Variants in DAPK1 observed in about 807,000 individuals in gnomAD.
DAPK1 encodes the protein death-associated protein kinase 1.
In DAPK1, 56 loss-of-function variants were observed where a neutral mutation model predicts 144.9. The observed-to-expected ratio is 0.39, with a 90% CI of 0.31 to 0.48. The LOEUF (loss-of-function observed/expected upper bound fraction) is 0.48, where lower values mean the gene tolerates loss of function less well. DAPK1 is among the 20% of genes least tolerant of loss of function. The probability of loss-of-function intolerance (pLI) is 0.95; values close to 1 mark genes in which losing one functional copy is unlikely to be tolerated. For synonymous variants in DAPK1, 690 were observed against 749.0 expected, an observed-to-expected ratio of 0.92 and a Z score of 1.29; for missense variants, 1,454 against 1,875.4, an observed-to-expected ratio of 0.78 and a Z score of 4.15.
chr9:87,503,822 C>T (rs953714073), intron 2 of DAPK1, among the ~76,000 whole-genome samples: 1 of 152,176 alleles, frequency 6.6e-6, no homozygotes, highest in Non-Finnish European at 1.5e-5. Context: ...AATTTTCAAG[C>T]ACAAGATCAG....
intron 2 of DAPK1, among the ~76,000 whole-genome samples, chr9:87,549,375 A>G (rs558516188): frequency 6.6e-6 from 1 of 152,208 alleles, no homozygotes; most frequent in East Asian, 1.9e-4. Flanking sequence ...TGTCTTTGCT[A>G]TTGTGAATAG....
intron 9 of DAPK1, among the ~76,000 whole-genome samples, 176 bp from the exon 10 acceptor site, chr9:87,641,793 G>A (rs1292081899): frequency 1.3e-5 from 2 of 152,190 alleles, no homozygotes; most frequent in African/African-American, 2.4e-5. Context: ...TGAGATAGAA[G>A]AGTGAGCCCG....
chr9:87,519,373 G>T (rs1057429250), intron 2 of DAPK1, among the ~76,000 whole-genome samples: 5 of 152,232 alleles, frequency 3.3e-5, no homozygotes, highest in Non-Finnish European at 7.3e-5. Context: ...GTGTTTACCA[G>T]TGTCCCCCTT....
intron 25 of DAPK1, among the ~76,000 whole-genome samples, chr9:87,703,866 C>G (rs1006050892): frequency 1.3e-5 from 2 of 152,196 alleles, no homozygotes; most frequent in Non-Finnish European, 2.9e-5. Flanking sequence ...GTCCCAGGAA[C>G]GGGGGCAGTG....
At position 87,498,656 on chromosome 9, in the gene DAPK1, A is replaced by C. The variant is rs1358919889; in HGVS notation, c.-108-314A>C. 9 of 357,852 alleles carry C rather than the reference A, an allele frequency of 2.5e-5. No homozygotes were observed. The East Asian group carries it at 3.7e-4, about 15-fold the overall frequency. 22.2% of individuals were successfully genotyped at this position (357,852 alleles called of 1,614,324 possible). A position where few individuals can be genotyped will look rare whatever the true frequency, so the allele number is the denominator to read the frequency against. On this transcript the variant is annotated intron_variant, in intron 1 of 25. Transcript: ENST00000408954. ...CTGGAGGTGGGAAAGCTGGGTGGGCATGTGTGCAGAGAAAGGGGAGGCGGG... is the reference window on the plus strand; with the variant it reads ...CTGGAGGTGGGAAAGCTGGGTGGGCCTGTGTGCAGAGAAAGGGGAGGCGGG...
rs777844307 is a variant in DAPK1 at position 87,647,307 on chromosome 9, C to G, written c.1233C>G (p.Gly411=). Residue 411 remains glycine (G), a splice_region_variant and synonymous_variant, in exon 14 of 26, where the codon GGC becomes GGG. Coordinates refer to ENST00000408954, the MANE Select transcript of DAPK1 (RefSeq NM_004938.4). The part of the protein sequence containing the change: ...RGSRIDVQDK[G]GSNAVYWAAR... ...ACCCCAGGTTGATTTTCCTGCAGGG[C>G]GGGTCCAATGCCGTCTACTGGGCTG... is the stretch of plus-strand genomic sequence containing the variant. 6.2e-7 allele frequency: 1 copy of G among 1,613,850 alleles called. No homozygotes were observed. Among genetic ancestry groups the G allele is most frequent in the Non-Finnish European group, 8.5e-7 (1 of 1,179,810 alleles).
At chr9:87,600,438 A>AG (rs2118932584) in intron 2 of DAPK1, among the ~76,000 whole-genome samples, 1 of 152,250 alleles carries the variant, frequency 6.6e-6, no homozygotes, top group African/African-American at 2.4e-5. Context: ...AAGAAAAAAA[A>AG]GAAAATTAGC....
Position 87,659,463 on chromosome 9 carries a change from C to T in DAPK1, c.1923+1336C>T, listed in dbSNP as rs116770336. 7.9e-3 allele frequency among the ~76,000 whole-genome samples: 1,194 copies of T among 151,822 alleles called. 8 individuals carry two copies. The highest frequency in any genetic ancestry group is 0.015 in the African/African-American group (637 of 41,552). On this transcript the variant is annotated intron_variant, in intron 18 of 25. Coordinates refer to ENST00000408954, the MANE Select transcript of DAPK1 (RefSeq NM_004938.4). ...AGAGCATTTATATGCATTTTCAAGA[C>T]GAAGAAATATTTTTGTCCTATGTGT...
intron 3 of DAPK1, among the ~76,000 whole-genome samples, chr9:87,608,418 T>A (rs532366725): frequency 6.6e-6 from 1 of 152,272 alleles, no homozygotes; most frequent in Admixed American, 6.5e-5. Context: ...TAATTAGGAG[T>A]AAAACTGCTA....
chr9:87,609,419 C>G (rs1828848188), intron 3 of DAPK1, among the ~76,000 whole-genome samples: 1 of 152,146 alleles, frequency 6.6e-6, no homozygotes, highest in Non-Finnish European at 1.5e-5. Flanking sequence ...AGAAAGTGCA[C>G]CCTTACTATT....
chr9:87,678,337 G>GAT (rs1396227807), intron 19 of DAPK1, among the ~76,000 whole-genome samples: 1 of 152,206 alleles, frequency 6.6e-6, no homozygotes, highest in African/African-American at 2.4e-5. Flanking sequence ...AAATATGCTG[G>GAT]ATGTCAGCAT....
intron 2 of DAPK1, among the ~76,000 whole-genome samples, chr9:87,601,050 G>C (rs1828497565): frequency 6.6e-6 from 1 of 152,194 alleles, no homozygotes; most frequent in African/African-American, 2.4e-5. Context: ...GGAGGCAGAG[G>C]TTGGGTGAAG....
intron 24 of DAPK1, among the ~76,000 whole-genome samples, chr9:87,702,486 A>T (rs1395509354): frequency 6.6e-6 from 1 of 152,184 alleles, no homozygotes. Context: ...TCATAAAGTG[A>T]TCATTGCCTG....
intron 2 of DAPK1, among the ~76,000 whole-genome samples, chr9:87,562,276 C>T (rs1318543822): frequency 1.3e-5 from 2 of 152,190 alleles, no homozygotes; most frequent in Non-Finnish European, 2.9e-5. Context: ...AACAAACAAC[C>T]CCAATAGCGA....
At chr9:87,540,087 T>A (rs544994348) in intron 2 of DAPK1, among the ~76,000 whole-genome samples, 1 of 151,882 alleles carries the variant, frequency 6.6e-6, no homozygotes, top group Non-Finnish European at 1.5e-5. Context: ...TGGTAGAAGA[T>A]ATTTTGAGAG....
At chr9:87,653,541 A>C (rs1317043380) in intron 17 of DAPK1, among the ~76,000 whole-genome samples, 1 of 152,112 alleles carries the variant, frequency 6.6e-6, no homozygotes, top group Non-Finnish European at 1.5e-5. Context: ...GCATGTGAGC[A>C]TGAGGCTCTG....
rs768648374 is a variant in DAPK1, at chr9:87,706,184, G to A, written c.3113G>A (p.Arg1038His). ...CAGGACGTGCTGCTCCTGGACCCCC[G>A]CTGGCTCTGCACAAACGTCCTGGGG... ...TVQDVLLLDP[R>H]WLCTNVLGKL... The change falls in exon 26 of 26, where the codon CGC becomes CAC. Residue 1038 changes from arginine to histidine, a missense_variant. By Grantham distance (29) the Arg-to-His change is conservative (BLOSUM62 0). Coordinates refer to ENST00000408954, the MANE Select transcript of DAPK1 (RefSeq NM_004938.4). This position sits in a 1 kb window ranked among gnomAD's most constrained non-coding sequence, Gnocchi z 9.0. 1.8e-5 allele frequency: 29 copies of A among 1,610,212 alleles called. No homozygotes were observed. Among genetic ancestry groups the A allele is most frequent in the East Asian group, 2.2e-5 (1 of 44,808 alleles).
At chr9:87,610,583 A>G (rs545984995) in intron 3 of DAPK1, among the ~76,000 whole-genome samples, 17 of 152,292 alleles carry the variant, frequency 1.1e-4, no homozygotes, top group Non-Finnish European at 1.9e-4. Flanking sequence ...ATAGTTATGC[A>G]TTTTTCTGTC....
chr9:87,658,044 CTG>C lies in DAPK1; in HGVS notation c.1841_1842del (p.Leu614ProfsTer23), dbSNP rs781584126. ...CTCTTCCCAGTATGGGCGAACGCCT[CTG>C]CACCTTGCGGCCAACAACGGAATCC... ...DISNKYGRTP[L>X]HLAANNGILD... On this transcript the variant is annotated frameshift_variant, in exon 18 of 26. Coordinates refer to ENST00000408954, the MANE Select transcript of DAPK1 (RefSeq NM_004938.4). LOFTEE classifies it high-confidence loss of function. 6.8e-7 allele frequency: 1 copy of C among 1,463,964 alleles called. No individual in the cohort carries two copies. The highest frequency in any genetic ancestry group is 9.6e-7 in the Non-Finnish European group (1 of 1,043,900). The allele number at this position is 1,463,964 out of a possible 1,614,324, so 90.7% of individuals were successfully genotyped here.
Sources: gnomAD v4.1 joint callset for allele counts (sites outside exome capture counted in the v4.1 genomes callset) on GRCh38, gnomAD v4.1.1 for gene constraint, Gnocchi (gnomAD v3.1) non-coding constraint, MANE v1.5 for transcripts, NCBI Gene and HGNC (gene_info 2026-07-23, HGNC 2026-07-21) for gene names.